Variants in WASHC4 observed in about 807,000 individuals in gnomAD.
WASHC4 encodes the protein WASH complex subunit 7.
A neutral mutation model predicts 166.6 loss-of-function variants in WASHC4; 86 were observed. The observed-to-expected ratio is 0.52, with a 90% CI of 0.43 to 0.62. WASHC4 has a LOEUF of 0.62. WASHC4 is among the 20% of genes least tolerant of loss of function. The probability of loss-of-function intolerance (pLI) is 0.00; values close to 1 mark genes in which losing one functional copy is unlikely to be tolerated. For synonymous variants in WASHC4, 446 were observed against 451.6 expected (o/e 0.99, Z 0.16); for missense variants, 1,262 against 1,382.4 (o/e 0.91, Z 1.38).
intron 24 of WASHC4, chr12:105,147,517 A>T: frequency 1.4e-6 from 1 of 725,940 alleles, no homozygotes; most frequent in Non-Finnish European, 1.7e-6. Flanking sequence ...TAATTTACTT[A>T]ATGTTATTTA....
intron 28 of WASHC4, among the ~76,000 whole-genome samples, chr12:105,159,186 A>G (rs1459211040): frequency 6.6e-6 from 1 of 152,230 alleles, no homozygotes; most frequent in Non-Finnish European, 1.5e-5. Flanking sequence ...ATTCACTCCG[A>G]AAGTGTTGAC....
chr12:105,110,316 G>T (rs1879548081), intron 1 of WASHC4, among the ~76,000 whole-genome samples: 1 of 152,144 alleles, frequency 6.6e-6, no homozygotes, highest in African/African-American at 2.4e-5. Context: ...GAAGACAAAG[G>T]TTGAATAAAG....
chr12:105,152,507 A>G (rs200045143), intron 26 of WASHC4, 56 bp downstream of exon 26: 3 of 933,854 alleles, frequency 3.2e-6, no homozygotes, highest in Non-Finnish European at 3.6e-6. Flanking sequence ...AGTCTATCTC[A>G]TATATTAACT....
chr12:105,162,801 A>G lies in WASHC4; in HGVS notation c.3113A>G (p.Lys1038Arg). 6.2e-7 allele frequency: 1 copy of G among 1,605,400 alleles called. No individual in the cohort carries two copies. Among genetic ancestry groups the G allele is most frequent in the Non-Finnish European group, 8.5e-7 (1 of 1,174,014 alleles). The change falls in exon 30 of 33, where the codon AAA (lysine) becomes AGA (arginine). Residue 1038 changes from lysine (K) to arginine (R), a missense_variant. Lys to Arg is a conservative substitution (Grantham distance 26, BLOSUM62 2). Transcript: ENST00000332180. Reference protein sequence around the residue: ...SISCKEKLNKKNKIGAAFTDD... With the variant: ...SISCKEKLNKRNKIGAAFTDD... ...AGTTGCAAGGAAAAATTAAATAAAAAAAATAAAATTGGAGCTGCCTTTACT... is the reference window on the plus strand; with the variant it reads ...AGTTGCAAGGAAAAATTAAATAAAAGAAATAAAATTGGAGCTGCCTTTACT...
intron 20 of WASHC4, among the ~76,000 whole-genome samples, chr12:105,143,970 A>G (rs1025958209): frequency 9.9e-5 from 15 of 151,838 alleles, no homozygotes; most frequent in Admixed American, 5.9e-4. Context: ...TTTTTTTAAC[A>G]GTTATTACAA....
intron 13 of WASHC4, 122 bp downstream of exon 13, chr12:105,127,411 G>T: frequency 1.3e-6 from 1 of 786,342 alleles, no homozygotes; most frequent in Non-Finnish European, 2.1e-6. Flanking sequence ...ATAAGTAAGG[G>T]TCAGGCAATC....
intron 10 of WASHC4, 22 bp downstream of exon 10, chr12:105,122,260 T>C (rs982955413): frequency 6.2e-7 from 1 of 1,609,408 alleles, no homozygotes; most frequent in Non-Finnish European, 8.5e-7. Context: ...TGTATCAGAC[T>C]GTAACAGTGG....
rs772187070 is a variant in WASHC4 at position 105,111,275 on chromosome 12, A to AT, written c.201+17dup. The AT allele has an allele frequency of 5.1e-6, 8 of 1,571,400 alleles. No homozygotes were observed. The highest frequency in any genetic ancestry group is 3.3e-4 in the Middle Eastern group (2 of 5,974). The stretch of plus-strand genomic sequence containing the variant: ...CCTATAGCATTAAAGGTTTGATTTG[A>AT]TTTTTTAAAAATATATGTATATATT... On this transcript the variant is annotated intron_variant, in intron 2 of 32. Coordinates refer to ENST00000332180, the MANE Select transcript of WASHC4 (RefSeq NM_015275.3).
chr12:105,164,789 T>TA (rs1208026002), intron 32 of WASHC4, 49 bp downstream of exon 32: 23 of 1,219,256 alleles, frequency 1.9e-5, no homozygotes, highest in Non-Finnish European at 2.4e-5. Flanking sequence ...TCTTTAGTAA[T>TA]AGACAGTAAT....
intron 32 of WASHC4, 118 bp from the exon 33 acceptor site, chr12:105,166,745 TG>T: frequency 2.8e-6 from 2 of 721,166 alleles, no homozygotes; most frequent in Admixed American, 2.0e-5. Flanking sequence ...AAACATTTGA[TG>T]GATGCAACTG....
At chr12:105,123,673 C>T (rs1420241283) in intron 10 of WASHC4, among the ~76,000 whole-genome samples, 1 of 152,172 alleles carries the variant, frequency 6.6e-6, no homozygotes, top group East Asian at 1.9e-4. Context: ...CATTAAAGTG[C>T]AAAAGCAGCA....
At chr12:105,140,759 A>T in intron 16 of WASHC4, 140 bp from the exon 17 acceptor site, 1 of 821,600 alleles carries the variant, frequency 1.2e-6, no homozygotes, top group Non-Finnish European at 2.0e-6. Context: ...AGTAAAGTAT[A>T]AATGTCAGAA....
At chr12:105,164,553 A>G in intron 31 of WASHC4, 88 bp from the exon 32 acceptor site, 1 of 949,454 alleles carries the variant, frequency 1.1e-6, no homozygotes, top group South Asian at 1.4e-5. Flanking sequence ...TAAAAATAAT[A>G]ATAAGAGGCA....
chr12:105,136,205 G>T (rs961557231), intron 14 of WASHC4, among the ~76,000 whole-genome samples: 1 of 152,104 alleles, frequency 6.6e-6, no homozygotes, highest in African/African-American at 2.4e-5. Flanking sequence ...AACCAGCTCC[G>T]ATGAGCCCCA....
intron 22 of WASHC4, among the ~76,000 whole-genome samples, chr12:105,145,661 T>C (rs1228433431): frequency 6.6e-6 from 1 of 152,036 alleles, no homozygotes; most frequent in Non-Finnish European, 1.5e-5. Context: ...TCATGTAATA[T>C]CCTCTGGGAG....
At chr12:105,146,047 A>C (rs1173111328) in intron 22 of WASHC4, among the ~76,000 whole-genome samples, 4 of 152,154 alleles carry the variant, frequency 2.6e-5, no homozygotes, top group Admixed American at 2.6e-4. Context: ...GGAACCTTGC[A>C]AAGTACCTGA....
chr12:105,150,426 TG>T (rs1286934060), intron 25 of WASHC4, among the ~76,000 whole-genome samples: 1 of 152,236 alleles, frequency 6.6e-6, no homozygotes, highest in Non-Finnish European at 1.5e-5. Flanking sequence ...TTTAAAATTG[TG>T]GTACATATTG....
intron 14 of WASHC4, among the ~76,000 whole-genome samples, chr12:105,134,676 T>C (rs1034274823): frequency 3.4e-4 from 51 of 152,204 alleles, no homozygotes; most frequent in African/African-American, 1.2e-3. Context: ...TGCATGGTAT[T>C]ATCTTTTTTG....
At chr12:105,165,200 A>G (rs1234527981) in intron 32 of WASHC4, among the ~76,000 whole-genome samples, 1 of 152,220 alleles carries the variant, frequency 6.6e-6, no homozygotes, top group East Asian at 1.9e-4. Context: ...CTTCTTTCAT[A>G]GTCAGGCCCT....
Sources: allele counts gnomAD v4.1 joint callset (sites outside exome capture counted in the v4.1 genomes callset), GRCh38; gene constraint gnomAD v4.1.1; transcripts MANE v1.5; gene names NCBI Gene and HGNC (gene_info 2026-07-23, HGNC 2026-07-21).